KRT73: variants seen among roughly 807,000 people sequenced by gnomAD.
The protein encoded by KRT73 is keratin 73, also known as keratin, type II cytoskeletal 73.
A neutral mutation model predicts 47.2 loss-of-function variants in KRT73; 44 were observed. The ratio of observed to expected loss-of-function variants is 0.93; its 90% CI spans 0.73 to 1.20. KRT73 has a LOEUF of 1.20. KRT73 is among the 50% of genes most tolerant of loss of function. The pLI is 0.00. For synonymous variants in KRT73, 285 were observed against 291.3 expected, an observed-to-expected ratio of 0.98 and a Z score of 0.22; for missense variants, 713 against 704.5, an observed-to-expected ratio of 1.01 and a Z score of -0.14.
upstream of KRT73, among the ~76,000 whole-genome samples, chr12:52,620,109 C>CT (rs10638831): frequency 0.25 from 23,722 of 94,472 alleles, 3,507 homozygotes; most frequent in South Asian, 0.29. Flanking sequence ...TCCTTTTTTT[C>CT]TTTTTTTTTT....
At chr12:52,625,947 A>G in the KRT73 span, among the ~76,000 whole-genome samples, 1 of 152,160 alleles carries the variant, frequency 6.6e-6, no homozygotes, top group Non-Finnish European at 1.5e-5. Flanking sequence ...TTTATATAAC[A>G]TTCTTGAAAT....
In KRT73 at chr12:52,607,866, A is replaced by G. The variant is rs1353986969; in HGVS notation, c.*330T>C. The G allele has an allele frequency of 1.7e-5, 4 of 239,114 alleles. No individual in the cohort carries two copies. The highest frequency in any genetic ancestry group is 3.2e-5 in the Non-Finnish European group (4 of 125,556). The allele number at this position is 239,114 out of a possible 1,614,324, so 14.8% of individuals were successfully genotyped here. A position where few individuals can be genotyped will look rare whatever the true frequency, so the allele number is the denominator to read the frequency against. Reference sequence around the variant, plus strand: ...TTACTGAGACAGGGTATGAAAGAGCAGCACAGGCAGATTGGGGTTACCCTT... The same window carrying G: ...TTACTGAGACAGGGTATGAAAGAGCGGCACAGGCAGATTGGGGTTACCCTT... On this transcript the variant is annotated 3_prime_UTR_variant, in exon 9 of 9. Coordinates refer to ENST00000305748, the MANE Select transcript of KRT73 (RefSeq NM_175068.3).
At chr12:52,611,720 C>G (rs1032245124) in intron 5 of KRT73, among the ~76,000 whole-genome samples, 2 of 152,164 alleles carry the variant, frequency 1.3e-5, no homozygotes, top group Non-Finnish European at 2.9e-5. Flanking sequence ...CTCCCAAGCT[C>G]GGCCAAACAG....
the KRT73 span, among the ~76,000 whole-genome samples, chr12:52,630,364 G>A: frequency 6.6e-6 from 1 of 152,208 alleles, no homozygotes; most frequent in Non-Finnish European, 1.5e-5. Flanking sequence ...ATGCTCATCA[G>A]CTCCTGGTAC....
intron 1 of KRT73, among the ~76,000 whole-genome samples, chr12:52,616,883 G>A (rs1213735303): frequency 6.6e-6 from 1 of 152,182 alleles, no homozygotes; most frequent in Non-Finnish European, 1.5e-5. Context: ...GCCCTCCTAA[G>A]TTGCTTTCAT....
upstream of KRT73, among the ~76,000 whole-genome samples, chr12:52,621,812 A>G (rs1940911578): frequency 6.6e-6 from 1 of 152,112 alleles, no homozygotes; most frequent in South Asian, 2.1e-4. Flanking sequence ...AGGTGCCCCA[A>G]CTGCCCCCTC....
intron 1 of KRT73, among the ~76,000 whole-genome samples, chr12:52,616,922 C>G (rs1191478059): frequency 6.6e-6 from 1 of 152,212 alleles, no homozygotes; most frequent in South Asian, 2.1e-4. Flanking sequence ...TCAATCACAG[C>G]ATTGTCCCAG....
At chr12:52,618,629 C>G, upstream of KRT73, 2 of 1,238,214 alleles carry the variant, frequency 1.6e-6, no homozygotes, top group Admixed American at 2.7e-5. Context: ...AAGAGGGAGC[C>G]ATGGGCCTAA....
the KRT73 span, among the ~76,000 whole-genome samples, chr12:52,626,576 G>T: frequency 6.6e-6 from 1 of 152,144 alleles, no homozygotes; most frequent in South Asian, 2.1e-4. Context: ...CATGGCCATA[G>T]TTATTTTCAA....
At chr12:52,616,951 C>A (rs529444993) in intron 1 of KRT73, among the ~76,000 whole-genome samples, 1 of 152,220 alleles carries the variant, frequency 6.6e-6, no homozygotes, top group Non-Finnish European at 1.5e-5. Flanking sequence ...CAAGCATTCT[C>A]AAGTTGCAAC....
chr12:52,629,818 T>C, the KRT73 span, among the ~76,000 whole-genome samples: 4 of 152,302 alleles, frequency 2.6e-5, no homozygotes, highest in South Asian at 8.3e-4. Flanking sequence ...TCGCATCAAC[T>C]CCTGTATAGA....
At chr12:52,625,793 A>G in the KRT73 span, among the ~76,000 whole-genome samples, 1 of 152,214 alleles carries the variant, frequency 6.6e-6, no homozygotes, top group African/African-American at 2.4e-5. Flanking sequence ...CTACTCAGCA[A>G]TGAAAAGAAA....
chr12:52,614,608 T>C lies in KRT73; in HGVS notation c.790A>G (p.Ile264Val). The C allele has an allele frequency of 6.2e-7, 1 of 1,613,978 alleles. No individual in the cohort carries two copies. The highest frequency in any genetic ancestry group is 8.5e-7 in the Non-Finnish European group (1 of 1,179,918). The change falls in exon 4 of 9, where the codon ATC becomes GTC. Residue 264 changes from isoleucine (I) to valine (V), a missense_variant. Physicochemically the swap from Ile to Val is conservative, Grantham distance 29. Coordinates refer to ENST00000305748, the MANE Select transcript of KRT73 (RefSeq NM_175068.3). ...QAKVDALDGE[I>V]KFFKCLYEGE... Reference sequence around the variant, plus strand: ...TCGTACAGACACTTGAAGAACTTGATTTCTCCATCCAGGGCATCCACCTTG... The same window carrying C: ...TCGTACAGACACTTGAAGAACTTGACTTCTCCATCCAGGGCATCCACCTTG...
chr12:52,614,373 A>C, intron 4 of KRT73: 1 of 500,972 alleles, frequency 2.0e-6, no homozygotes, highest in Non-Finnish European at 3.5e-6. Flanking sequence ...TCCTGGAGGA[A>C]GTGAAAGCAG....
chr12:52,614,016 C>T, intron 4 of KRT73, 164 bp from the exon 5 acceptor site: 1 of 1,040,442 alleles, frequency 9.6e-7, no homozygotes, highest in Non-Finnish European at 1.4e-6. Flanking sequence ...GGTTCCAATA[C>T]CACATCTGAA....
At chr12:52,609,985 T>A (rs940845844) in intron 7 of KRT73, 2 of 154,466 alleles carry the variant, frequency 1.3e-5, no homozygotes, top group African/African-American at 4.8e-5. Flanking sequence ...TTCCCAGAGA[T>A]GCTGCACCTG....
chr12:52,618,033 C>T, intron 1 of KRT73, 45 bp downstream of exon 1: 1 of 1,587,732 alleles, frequency 6.3e-7, no homozygotes, highest in Non-Finnish European at 8.6e-7. Context: ...CCTCCTGAGT[C>T]CTTAAAAGGG....
the KRT73 span, among the ~76,000 whole-genome samples, chr12:52,629,639 C>G: frequency 6.6e-6 from 1 of 152,196 alleles, no homozygotes; most frequent in Non-Finnish European, 1.5e-5. Flanking sequence ...GCAAATCCAC[C>G]CCCACCTATG....
At position 52,608,472 on chromosome 12, in the gene KRT73, G is replaced by T; in HGVS notation, c.1367-20C>A. On this transcript the variant is annotated intron_variant, in intron 8 of 8. Coordinates refer to ENST00000305748, the MANE Select transcript of KRT73 (RefSeq NM_175068.3). ...TGACCGCTGCAGAGGAGGGAGGGACGAGTGATCAGTGTATATCCCAGGACA... is the reference window on the plus strand; with the variant it reads ...TGACCGCTGCAGAGGAGGGAGGGACTAGTGATCAGTGTATATCCCAGGACA... 6.3e-7 allele frequency: 1 copy of T among 1,595,186 alleles called. No homozygotes were observed.
Sources: gnomAD v4.1 joint callset for allele counts (sites outside exome capture counted in the v4.1 genomes callset) on GRCh38, gnomAD v4.1.1 for gene constraint, MANE v1.5 for transcripts, NCBI Gene and HGNC (gene_info 2026-07-23, HGNC 2026-07-21) for gene names.